The following CD247 variants were observed in gnomAD, a reference collection of about 807,000 sequenced individuals.
The protein encoded by CD247 is T-cell surface glycoprotein CD3 zeta chain.
A neutral mutation model predicts 30.0 loss-of-function variants in CD247; 13 were observed. That is an observed-to-expected ratio of 0.43 (90% CI 0.28 to 0.69). The LOEUF (loss-of-function observed/expected upper bound fraction) is 0.69. Among genes scored for constraint, CD247 ranks in the 30% least tolerant of loss-of-function variants. The pLI, the probability that CD247 is intolerant of heterozygous loss-of-function variation, is 0.16. For synonymous variants in CD247, 72 were observed against 80.0 expected (o/e 0.90, Z 0.53); for missense variants, 193 against 212.6 (o/e 0.91, Z 0.57).
At chr1:167,464,183 A>G (rs1723018) in intron 1 of CD247, among the ~76,000 whole-genome samples, 48,984 of 151,942 alleles carry the variant, frequency 0.32, 8,388 homozygotes, top group Middle Eastern at 0.43. Flanking sequence ...CTTCCTTAGT[A>G]AAGCCTAATT....
chr1:167,483,762 A>G (rs970374668), intron 1 of CD247, among the ~76,000 whole-genome samples: 2 of 152,258 alleles, frequency 1.3e-5, no homozygotes, highest in East Asian at 3.8e-4. Flanking sequence ...GACGATGACA[A>G]TAACTATGAA....
chr1:167,518,375 A>C (rs1207468774), intron 1 of CD247, 33 bp downstream of exon 1: 2 of 1,610,494 alleles, frequency 1.2e-6, no homozygotes, highest in Non-Finnish European at 1.7e-6. Context: ...AAGAGTTTCT[A>C]GAAGTTCCCT....
intron 1 of CD247, among the ~76,000 whole-genome samples, chr1:167,443,858 G>A (rs1054499988): frequency 2.0e-5 from 3 of 152,256 alleles, no homozygotes; most frequent in South Asian, 2.1e-4. Flanking sequence ...CCTCTCCTCG[G>A]TCCCACTATA....
At chr1:167,503,175 T>C (rs1571594187) in intron 1 of CD247, among the ~76,000 whole-genome samples, 1 of 152,166 alleles carries the variant, frequency 6.6e-6, no homozygotes, top group Non-Finnish European at 1.5e-5. Context: ...TTGCGTCTGC[T>C]CCTGCCGGTA....
rs1289043039 is a variant in CD247, at chr1:167,509,823, G to A, written c.58+8585C>T. 2.0e-5 allele frequency among the ~76,000 whole-genome samples: 3 copies of A among 152,290 alleles called. No homozygotes were observed. The South Asian group carries it at 6.2e-4, about 32-fold the overall frequency. ...AGGGGTGAACAGGGTTTCCGCAGGTGGGGGATGGAGTGGCGTCTGCATTCT... is the reference window on the plus strand; with the variant it reads ...AGGGGTGAACAGGGTTTCCGCAGGTAGGGGATGGAGTGGCGTCTGCATTCT... On this transcript the variant is annotated intron_variant, in intron 1 of 7. Coordinates refer to ENST00000362089, the MANE Select transcript of CD247 (RefSeq NM_198053.3).
chr1:167,433,746 G>A (rs998056998), intron 6 of CD247, among the ~76,000 whole-genome samples: 5 of 152,202 alleles, frequency 3.3e-5, no homozygotes, highest in African/African-American at 7.2e-5. Context: ...TTAAGCACTC[G>A]ATGCTTCCTG....
intron 1 of CD247, among the ~76,000 whole-genome samples, chr1:167,475,293 G>A (rs1289267136): frequency 6.6e-6 from 1 of 151,932 alleles, no homozygotes; most frequent in Non-Finnish European, 1.5e-5. Context: ...GGCTCTTCCT[G>A]TTTTTCTATA....
intron 1 of CD247, among the ~76,000 whole-genome samples, chr1:167,467,127 C>T (rs146783155): frequency 0.029 from 4,485 of 152,324 alleles, 153 homozygotes; most frequent in East Asian, 0.17. Context: ...CGTGAGCCAC[C>T]GCGCCCGGCC....
At chr1:167,474,145 T>C (rs1653651447) in intron 1 of CD247, among the ~76,000 whole-genome samples, 1 of 152,152 alleles carries the variant, frequency 6.6e-6, no homozygotes, top group Non-Finnish European at 1.5e-5. Context: ...TGCCTAATTA[T>C]AGATGGATAG....
intron 1 of CD247, among the ~76,000 whole-genome samples, chr1:167,490,352 C>G (rs1654396049): frequency 6.6e-6 from 1 of 152,312 alleles, no homozygotes; most frequent in East Asian, 1.9e-4. Context: ...AGGCCGGGCG[C>G]GGTGGCTCAC....
intron 1 of CD247, among the ~76,000 whole-genome samples, chr1:167,486,765 T>A (rs1397104479): frequency 2.0e-5 from 3 of 152,186 alleles, no homozygotes; most frequent in Non-Finnish European, 4.4e-5. Context: ...CTGATACCTC[T>A]GTGTGAGTTA....
intron 2 of CD247, chr1:167,440,355 C>T (rs929306051): frequency 1.2e-5 from 5 of 433,486 alleles, no homozygotes; most frequent in African/African-American, 1.0e-4. Context: ...GGACCTCTGC[C>T]TGAGTGTAAG....
intron 1 of CD247, among the ~76,000 whole-genome samples, chr1:167,475,810 G>C (rs1653721970): frequency 6.6e-6 from 1 of 152,148 alleles, no homozygotes; most frequent in Admixed American, 6.5e-5. Context: ...AATAAAGAGA[G>C]GGGTCGGGCT....
At chr1:167,490,448 C>A (rs1654400067) in intron 1 of CD247, among the ~76,000 whole-genome samples, 1 of 151,652 alleles carries the variant, frequency 6.6e-6, no homozygotes, top group African/African-American at 2.4e-5. Context: ...CATGGTGAAA[C>A]CCCATCTCTA....
At chr1:167,468,206 TA>T (rs1467873056) in intron 1 of CD247, among the ~76,000 whole-genome samples, 2 of 152,000 alleles carry the variant, frequency 1.3e-5, no homozygotes, top group African/African-American at 4.8e-5. Context: ...GCCTCCAAAT[TA>T]ATATAAGAAA....
intron 1 of CD247, among the ~76,000 whole-genome samples, chr1:167,505,776 A>G (rs1655088692): frequency 6.6e-6 from 1 of 152,230 alleles, no homozygotes. Flanking sequence ...GGGATGATCC[A>G]ATGCCTTTTT....
At chr1:167,472,737 T>C (rs764712762) in intron 1 of CD247, among the ~76,000 whole-genome samples, 6 of 152,156 alleles carry the variant, frequency 3.9e-5, no homozygotes, top group Non-Finnish European at 8.8e-5. Context: ...TTGGAAGCGC[T>C]CTAAATATGC....
intron 1 of CD247, among the ~76,000 whole-genome samples, chr1:167,508,630 T>C (rs562302027): frequency 4.3e-4 from 65 of 152,306 alleles, no homozygotes; most frequent in Admixed American, 1.1e-3. Flanking sequence ...TGTTGATAGT[T>C]AAGTGGGAGA....
intron 1 of CD247, among the ~76,000 whole-genome samples, chr1:167,507,577 T>C (rs1655198212): frequency 6.6e-6 from 1 of 152,204 alleles, no homozygotes; most frequent in Admixed American, 6.5e-5. Flanking sequence ...CTTATTCCTG[T>C]AATCCCAGCA....
Sources: allele counts gnomAD v4.1 joint callset (sites outside exome capture counted in the v4.1 genomes callset), GRCh38; gene constraint gnomAD v4.1.1; transcripts MANE v1.5; gene names NCBI Gene and HGNC (gene_info 2026-07-23, HGNC 2026-07-21).